Variants in NRXN3 observed in about 807,000 individuals in gnomAD.
The protein encoded by NRXN3 is neurexin III.
A neutral mutation model predicts 137.6 loss-of-function variants in NRXN3; 32 were observed. The observed-to-expected ratio is 0.23, with a 90% CI of 0.18 to 0.31. The LOEUF (loss-of-function observed/expected upper bound fraction) is 0.31, where lower values mean the gene tolerates loss of function less well. NRXN3 is among the 10% of genes least tolerant of loss of function. The pLI is 1.00. For missense variants in NRXN3, 1,574 were observed against 2,062.5 expected, an observed-to-expected ratio of 0.76 and a Z score of 4.59; for synonymous variants, 798 against 784.5, an observed-to-expected ratio of 1.02 and a Z score of -0.29.
chr14:79,819,899 A>G (rs916411030), intron 20 of NRXN3, among the ~76,000 whole-genome samples: 8 of 151,996 alleles, frequency 5.3e-5, no homozygotes, highest in Non-Finnish European at 1.0e-4. Flanking sequence ...TGTACACTAC[A>G]TATTTGGGTA....
At chr14:79,176,570 T>G (rs2062367711) in intron 15 of NRXN3, among the ~76,000 whole-genome samples, 1 of 152,214 alleles carries the variant, frequency 6.6e-6, no homozygotes, top group African/African-American at 2.4e-5. Flanking sequence ...CTAGCCATGC[T>G]GGATTGTTTG....
chr14:78,731,986 G>T (rs975753854), intron 8 of NRXN3, among the ~76,000 whole-genome samples: 1 of 22,262 alleles, frequency 4.5e-5, no homozygotes, highest in Admixed American at 5.0e-4. Context: ...AGGTGGCTCT[G>T]TTCCAAGCTG....
At chr14:79,375,309 C>A (rs1439346935) in intron 15 of NRXN3, among the ~76,000 whole-genome samples, 1 of 149,776 alleles carries the variant, frequency 6.7e-6, no homozygotes, top group Non-Finnish European at 1.5e-5. Context: ...ACACATATAC[C>A]CTTTTTTCAT....
intron 19 of NRXN3, among the ~76,000 whole-genome samples, chr14:79,739,170 G>A (rs2098952089): frequency 6.6e-6 from 1 of 152,074 alleles, no homozygotes; most frequent in African/African-American, 2.4e-5. Flanking sequence ...AAGGCACGTG[G>A]GTGTTTCAAG....
chr14:78,633,308 GAAAT>G (rs1332633242), intron 4 of NRXN3, among the ~76,000 whole-genome samples: 1 of 147,224 alleles, frequency 6.8e-6, no homozygotes, highest in Non-Finnish European at 1.5e-5. Context: ...TGACAAAAAT[GAAAT>G]AAATACTTTC....
At chr14:79,531,486 A>T (rs866825722) in intron 16 of NRXN3, among the ~76,000 whole-genome samples, 1 of 152,236 alleles carries the variant, frequency 6.6e-6, no homozygotes, top group African/African-American at 2.4e-5. Context: ...GGATAGTGTT[A>T]TGAGATTTTT....
intron 15 of NRXN3, among the ~76,000 whole-genome samples, chr14:79,337,069 C>T (rs1267145589): frequency 6.6e-6 from 1 of 152,128 alleles, no homozygotes; most frequent in Non-Finnish European, 1.5e-5. Context: ...TCGTCCAATT[C>T]TGTCGTATAT....
In NRXN3 at chr14:78,462,701, A is replaced by T. The variant is rs1377281312; in HGVS notation, c.757+164841A>T. 2.6e-5 allele frequency among the ~76,000 whole-genome samples: 4 copies of T among 152,330 alleles called. No homozygotes were observed. The East Asian group carries it at 7.7e-4, about 29-fold the overall frequency. Reference sequence around the variant, plus strand: ...GATCTCTTGGCAAAACGAATACATAACATAGCTATAATTAAATATAATTCT... The same window carrying T: ...GATCTCTTGGCAAAACGAATACATATCATAGCTATAATTAAATATAATTCT... On this transcript the variant is annotated intron_variant, in intron 4 of 20. Transcript: ENST00000335750.
At chr14:79,579,583 C>T (rs970858239) in intron 16 of NRXN3, among the ~76,000 whole-genome samples, 2 of 151,848 alleles carry the variant, frequency 1.3e-5, no homozygotes, top group African/African-American at 4.8e-5. Flanking sequence ...TTGAGGCTTA[C>T]ATATGAATCT....
At position 79,761,917 on chromosome 14, in the gene NRXN3, A is replaced by G. The variant is rs565614872; in HGVS notation, c.4015-43195A>G. Among the ~76,000 whole-genome samples, 6 of 151,688 alleles carry G rather than the reference A, an allele frequency of 4.0e-5. No homozygotes were observed. The South Asian group carries it at 1.2e-3, about 31-fold the overall frequency. On this transcript the variant is annotated intron_variant, in intron 19 of 20. Transcript: ENST00000335750. ...ACATTTTTGTGCCTTTGAAGCCATA[A>G]ACTTGAGAGAAACATTAGCTTGTTC...
intron 15 of NRXN3, among the ~76,000 whole-genome samples, chr14:79,075,142 T>C (rs909693153): frequency 6.6e-6 from 1 of 152,214 alleles, no homozygotes; most frequent in Non-Finnish European, 1.5e-5. Context: ...TCATTTGCCG[T>C]GTAATCTTTA....
intron 8 of NRXN3, among the ~76,000 whole-genome samples, chr14:78,772,358 G>T (rs1334265835): frequency 6.6e-6 from 1 of 151,888 alleles, no homozygotes; most frequent in Non-Finnish European, 1.5e-5. Context: ...CAAAGTTTGG[G>T]AAAAAGAGGA....
chr14:78,211,811 G>C (rs980650332), intron 1 of NRXN3, among the ~76,000 whole-genome samples: 25 of 152,204 alleles, frequency 1.6e-4, no homozygotes, highest in African/African-American at 5.8e-4. Context: ...GAAGAAAGTG[G>C]AAAAGGGGGG....
chr14:78,936,760 G>A (rs1421399267), intron 10 of NRXN3, among the ~76,000 whole-genome samples: 1 of 152,168 alleles, frequency 6.6e-6, no homozygotes, highest in African/African-American at 2.4e-5. Flanking sequence ...CAGTTAGCCC[G>A]AAGAGTTGCT....
intron 15 of NRXN3, among the ~76,000 whole-genome samples, chr14:79,127,415 C>T (rs974477444): frequency 1.3e-5 from 2 of 152,124 alleles, no homozygotes; most frequent in Non-Finnish European, 2.9e-5. Flanking sequence ...TTTCCCAGCA[C>T]CATTTATTAA....
chr14:79,040,237 A>G (rs1363259137), intron 15 of NRXN3, among the ~76,000 whole-genome samples: 7 of 152,230 alleles, frequency 4.6e-5, no homozygotes. Context: ...TTTGGCCTGC[A>G]TATCATCAGT....
At chr14:79,370,433 C>T (rs2153433423) in intron 15 of NRXN3, among the ~76,000 whole-genome samples, 1 of 151,884 alleles carries the variant, frequency 6.6e-6, no homozygotes, top group South Asian at 2.1e-4. Flanking sequence ...ATTCTCCTGC[C>T]TCAGCCTCCC....
chr14:78,575,397 T>C (rs1435985896), intron 4 of NRXN3, among the ~76,000 whole-genome samples: 1 of 152,152 alleles, frequency 6.6e-6, no homozygotes, highest in Non-Finnish European at 1.5e-5. Context: ...TGATGCAGCT[T>C]TTTGAAAAAG....
chr14:79,035,391 G>A (rs1041987614), intron 15 of NRXN3, among the ~76,000 whole-genome samples: 2 of 151,776 alleles, frequency 1.3e-5, no homozygotes, highest in African/African-American at 4.8e-5. Flanking sequence ...TATATAAAAC[G>A]TGCCATATTT....
Sources: gnomAD v4.1 joint callset for allele counts (sites outside exome capture counted in the v4.1 genomes callset) on GRCh38, gnomAD v4.1.1 for gene constraint, MANE v1.5 for transcripts, NCBI Gene and HGNC (gene_info 2026-07-23, HGNC 2026-07-21) for gene names.